The following KCNAB1 variants were observed in gnomAD, a reference collection of about 807,000 sequenced individuals.
KCNAB1 encodes voltage-gated potassium channel subunit beta-1.
Under a neutral mutation model 64.6 loss-of-function variants are expected in KCNAB1, and 35 were observed. That is an observed-to-expected ratio of 0.54 (90% CI 0.41 to 0.72). The LOEUF (loss-of-function observed/expected upper bound fraction) is 0.72. KCNAB1 is among the 30% of genes least tolerant of loss of function. KCNAB1 has a pLI of 0.00. For synonymous variants in KCNAB1, 177 were observed against 183.8 expected, an observed-to-expected ratio of 0.96 and a Z score of 0.30; for missense variants, 401 against 512.9, an observed-to-expected ratio of 0.78 and a Z score of 2.11.
intron 1 of KCNAB1, among the ~76,000 whole-genome samples, chr3:156,204,902 G>A (rs532121726): frequency 5.3e-5 from 8 of 152,224 alleles, no homozygotes; most frequent in African/African-American, 1.9e-4. Context: ...TGGGCAGCTA[G>A]GATGATGGAC....
Position 156,524,027 on chromosome 3 carries a change from C to A in KCNAB1, c.1081+80C>A, listed in dbSNP as rs1440008762. 6.0e-6 allele frequency: 8 copies of A among 1,326,978 alleles called. No homozygotes were observed. In the East Asian group the frequency reaches 1.2e-4, roughly 21 times the overall value. The allele number at this position is 1,326,978 out of a possible 1,614,324, so 82.2% of individuals were successfully genotyped here. On this transcript the variant is annotated intron_variant, in intron 12 of 13. Coordinates refer to ENST00000490337, the MANE Select transcript of KCNAB1 (RefSeq NM_172160.3). ...TTTTCTATTGCTGACCACACCCTTA[C>A]CATGATAAAATGTCTATTGCAGGGA... is the stretch of plus-strand genomic sequence containing the variant.
At chr3:156,132,500 C>T (rs1258552850) in intron 1 of KCNAB1, among the ~76,000 whole-genome samples, 1 of 152,174 alleles carries the variant, frequency 6.6e-6, no homozygotes, top group Non-Finnish European at 1.5e-5. Context: ...TGTTATTCCT[C>T]CCCCATTCCA....
At chr3:156,432,435 A>T (rs1716285863) in intron 2 of KCNAB1, among the ~76,000 whole-genome samples, 1 of 152,214 alleles carries the variant, frequency 6.6e-6, no homozygotes, top group African/African-American at 2.4e-5. Context: ...CTGGATGATG[A>T]AAATATGCAA....
chr3:156,292,335 G>A (rs1163247804), intron 1 of KCNAB1, among the ~76,000 whole-genome samples: 4 of 152,094 alleles, frequency 2.6e-5, no homozygotes, highest in East Asian at 1.9e-4. Flanking sequence ...GGCCCATTTT[G>A]TATAATTCTA....
At chr3:156,304,045 C>T (rs886742434) in intron 1 of KCNAB1, among the ~76,000 whole-genome samples, 14 of 152,134 alleles carry the variant, frequency 9.2e-5, no homozygotes, top group South Asian at 2.1e-4. Context: ...TACTATCACA[C>T]GACAATATCA....
At chr3:156,326,950 A>T (rs566243125) in intron 1 of KCNAB1, among the ~76,000 whole-genome samples, 2 of 152,246 alleles carry the variant, frequency 1.3e-5, no homozygotes, top group African/African-American at 4.8e-5. Context: ...AACAACATTT[A>T]TCATGTTGTA....
At chr3:156,190,181 G>A (rs1250876231) in intron 1 of KCNAB1, among the ~76,000 whole-genome samples, 1 of 152,110 alleles carries the variant, frequency 6.6e-6, no homozygotes, top group African/African-American at 2.4e-5. Flanking sequence ...TCTTCCTAAA[G>A]CATTTGAAAG....
intron 8 of KCNAB1, among the ~76,000 whole-genome samples, chr3:156,512,979 G>A (rs1351293361): frequency 1.3e-5 from 2 of 152,228 alleles, no homozygotes. Flanking sequence ...TTGGGAGGCC[G>A]AGGTGGGAGG....
intron 8 of KCNAB1, among the ~76,000 whole-genome samples, chr3:156,506,412 C>T (rs1221357596): frequency 2.0e-5 from 3 of 152,172 alleles, no homozygotes; most frequent in Non-Finnish European, 4.4e-5. Flanking sequence ...ATTTCAATAA[C>T]CTATTTCACA....
chr3:156,138,240 G>GTC (rs1348722016), intron 1 of KCNAB1, among the ~76,000 whole-genome samples: 2 of 152,216 alleles, frequency 1.3e-5, no homozygotes, highest in African/African-American at 2.4e-5. Flanking sequence ...GAAGGCAGAT[G>GTC]TCTCACAGCA....
intron 2 of KCNAB1, among the ~76,000 whole-genome samples, chr3:156,429,970 G>A (rs571179427): frequency 1.3e-5 from 2 of 152,298 alleles, no homozygotes; most frequent in South Asian, 2.1e-4. Flanking sequence ...TTGAATAAAT[G>A]TCATGATGCA....
chr3:156,360,882 C>A (rs903502185), intron 1 of KCNAB1, among the ~76,000 whole-genome samples: 1 of 152,136 alleles, frequency 6.6e-6, no homozygotes, highest in African/African-American at 2.4e-5. Context: ...CTACTACCAT[C>A]CAGCCCAAAC....
intron 13 of KCNAB1, among the ~76,000 whole-genome samples, chr3:156,531,990 A>G (rs1052522699): frequency 8.2e-6 from 1 of 121,426 alleles, no homozygotes; most frequent in African/African-American, 3.3e-5. Flanking sequence ...CTCTGAGGTC[A>G]GACCTGTGTC....
intron 1 of KCNAB1, among the ~76,000 whole-genome samples, chr3:156,188,699 TAA>T (rs1713364929): frequency 6.6e-6 from 1 of 152,244 alleles, no homozygotes; most frequent in Non-Finnish European, 1.5e-5. Flanking sequence ...AACTTTCTTT[TAA>T]AATATACTTA....
chr3:156,204,903 G>A (rs1442885106), intron 1 of KCNAB1, among the ~76,000 whole-genome samples: 1 of 152,132 alleles, frequency 6.6e-6, no homozygotes, highest in Non-Finnish European at 1.5e-5. Context: ...GGGCAGCTAG[G>A]ATGATGGACT....
At chr3:156,520,664 G>A (rs1717885810) in intron 11 of KCNAB1, among the ~76,000 whole-genome samples, 1 of 152,156 alleles carries the variant, frequency 6.6e-6, no homozygotes, top group South Asian at 2.1e-4. Context: ...GGGAGAGAGG[G>A]GTGGTCCAAG....
At chr3:156,413,452 T>G (rs1424186133) in intron 1 of KCNAB1, among the ~76,000 whole-genome samples, 1 of 152,194 alleles carries the variant, frequency 6.6e-6, no homozygotes, top group Non-Finnish European at 1.5e-5. Context: ...ATTTACCATG[T>G]GCCAAGCCCT....
chr3:156,314,220 G>A (rs1722123335), intron 1 of KCNAB1, among the ~76,000 whole-genome samples: 1 of 152,228 alleles, frequency 6.6e-6, no homozygotes, highest in Non-Finnish European at 1.5e-5. Context: ...AGTTGGAGGT[G>A]AGAGTAAAAA....
chr3:156,316,635 A>C (rs1560191925), intron 1 of KCNAB1, among the ~76,000 whole-genome samples: 1 of 152,350 alleles, frequency 6.6e-6, no homozygotes, highest in Non-Finnish European at 1.5e-5. Context: ...GTGGATAGCA[A>C]AGCAGCTCCC....
Sources: gnomAD v4.1 joint callset for allele counts (sites outside exome capture counted in the v4.1 genomes callset) on GRCh38, gnomAD v4.1.1 for gene constraint, MANE v1.5 for transcripts, NCBI Gene and HGNC (gene_info 2026-07-23, HGNC 2026-07-21) for gene names.